LRRC63: variants seen among roughly 807,000 people sequenced by gnomAD.
The protein encoded by LRRC63 is leucine rich repeat containing 63.
Under a neutral mutation model 49.5 loss-of-function variants are expected in LRRC63, and 40 were observed. The observed-to-expected ratio is 0.81, with a 90% confidence interval of 0.63 to 1.05. The LOEUF (loss-of-function observed/expected upper bound fraction) is 1.05. Ranked by LOEUF, LRRC63 falls within the 50% of genes least tolerant of loss-of-function variation. LRRC63 has a pLI of 0.00. For synonymous variants in LRRC63, 191 were observed against 221.1 expected (o/e 0.86, Z 1.21); for missense variants, 636 against 663.1 (o/e 0.96, Z 0.45).
chr13:46,270,050 A>G, intron 9 of LRRC63: 1 of 541,458 alleles, frequency 1.8e-6, no homozygotes, highest in South Asian at 2.1e-5. Context: ...AGTTTAATTT[A>G]TAGGGGTGGT....
At chr13:46,245,091 T>C (rs1310420090) in intron 5 of LRRC63, among the ~76,000 whole-genome samples, 4 of 152,140 alleles carry the variant, frequency 2.6e-5, no homozygotes, top group Non-Finnish European at 4.4e-5. Flanking sequence ...AGAAAAAGAA[T>C]ATTACCAAGT....
chr13:46,243,240 A>T (rs553941372), intron 5 of LRRC63, among the ~76,000 whole-genome samples: 1 of 152,310 alleles, frequency 6.6e-6, no homozygotes, highest in African/African-American at 2.4e-5. Flanking sequence ...TCAAGTTGTC[A>T]TCAGTTTAAA....
chr13:46,215,945 C>T (rs1450698819), intron 2 of LRRC63, among the ~76,000 whole-genome samples: 1 of 152,152 alleles, frequency 6.6e-6, no homozygotes, highest in Non-Finnish European at 1.5e-5. Flanking sequence ...GGCATTATTT[C>T]TGAGGTCTCT....
At chr13:46,228,716 C>T in exon 4 of LRRC63, 1 of 1,540,680 alleles carries the variant, frequency 6.5e-7, no homozygotes, top group South Asian at 1.2e-5. Context: ...AAGCAAATCC[C>T]ACCAAGACCA....
chr13:46,252,709 C>G (rs1403216881), intron 7 of LRRC63, among the ~76,000 whole-genome samples: 4 of 151,908 alleles, frequency 2.6e-5, no homozygotes, highest in Admixed American at 6.6e-5. Flanking sequence ...GGAGAGACAA[C>G]AAAGGATAGT....
At chr13:46,237,079 A>C (rs140969591) in intron 5 of LRRC63, among the ~76,000 whole-genome samples, 1 of 152,198 alleles carries the variant, frequency 6.6e-6, no homozygotes, top group African/African-American at 2.4e-5. Context: ...GGAGGGAATT[A>C]ATGTGGCACA....
intron 9 of LRRC63, among the ~76,000 whole-genome samples, chr13:46,274,851 T>C (rs1056918772): frequency 3.9e-5 from 6 of 152,248 alleles, no homozygotes; most frequent in Non-Finnish European, 5.9e-5. Context: ...CTTTGTGTTG[T>C]GAACATTTAA....
chr13:46,231,377 G>T (rs2046750504), intron 4 of LRRC63, among the ~76,000 whole-genome samples: 1 of 152,196 alleles, frequency 6.6e-6, no homozygotes, highest in Non-Finnish European at 1.5e-5. Flanking sequence ...GCGTAGTTAT[G>T]GCATTCCCTT....
intron 6 of LRRC63, 29 bp downstream of exon 6, chr13:46,246,654 A>T: frequency 9.9e-7 from 1 of 1,014,888 alleles, no homozygotes; most frequent in Non-Finnish European, 1.3e-6. Flanking sequence ...TTATGTACTG[A>T]TATAACTTGT....
At position 46,238,620 on chromosome 13, in the gene LRRC63, C is replaced by T. The variant is rs371693300; in HGVS notation, c.990+4271C>T. On this transcript the variant is annotated intron_variant, in intron 5 of 9. Coordinates refer to ENST00000595396, the Ensembl canonical transcript of LRRC63. The stretch of plus-strand genomic sequence containing the variant: ...ACTGCCCTTTATAAAACCATCAGCC[C>T]TCATGTGACTTATTCACTTTCAGCA... Among the ~76,000 whole-genome samples, 19 of 152,124 alleles carry T rather than the reference C, an allele frequency of 1.2e-4. No homozygotes were observed. The East Asian group carries it at 1.7e-3, about 14-fold the overall frequency.
intron 7 of LRRC63, among the ~76,000 whole-genome samples, chr13:46,253,059 G>C (rs1019880593): frequency 1.3e-5 from 2 of 151,972 alleles, no homozygotes; most frequent in Admixed American, 6.6e-5. Context: ...CAGTTGGAAG[G>C]CCATTGCAGT....
chr13:46,237,972 T>C (rs79202012), intron 5 of LRRC63, among the ~76,000 whole-genome samples: 93 of 151,882 alleles, frequency 6.1e-4, no homozygotes, highest in Non-Finnish European at 1.2e-3. Context: ...CAAAGAAAAA[T>C]CCAGGACCAG....
At chr13:46,233,964 G>A (rs1225439646) in intron 4 of LRRC63, among the ~76,000 whole-genome samples, 1 of 152,074 alleles carries the variant, frequency 6.6e-6, no homozygotes, top group Non-Finnish European at 1.5e-5. Flanking sequence ...GTTTACTTTG[G>A]GGAAGATAAT....
At chr13:46,273,602 A>T (rs2047789650) in intron 9 of LRRC63, among the ~76,000 whole-genome samples, 1 of 41,082 alleles carries the variant, frequency 2.4e-5, no homozygotes, top group Admixed American at 3.0e-4. Flanking sequence ...AATCTGCCTT[A>T]AAAAAAAAAA....
exon 3 of LRRC63, chr13:46,227,554 A>G (rs2046611676): frequency 1.3e-6 from 2 of 1,544,188 alleles, no homozygotes; most frequent in Non-Finnish European, 1.7e-6. Context: ...GCATTCACTG[A>G]AGATGAAACC....
At chr13:46,223,930 G>T (rs558766905) in intron 2 of LRRC63, among the ~76,000 whole-genome samples, 1 of 152,266 alleles carries the variant, frequency 6.6e-6, no homozygotes, top group East Asian at 1.9e-4. Flanking sequence ...TTAGTCTGAT[G>T]GGGTTTCTTT....
At chr13:46,238,646 T>C (rs2046971032) in intron 5 of LRRC63, among the ~76,000 whole-genome samples, 1 of 152,168 alleles carries the variant, frequency 6.6e-6, no homozygotes, top group South Asian at 2.1e-4. Flanking sequence ...ACTTTCAGCA[T>C]GAGAAAAACT....
chr13:46,236,223 GAA>G (rs567245084), intron 5 of LRRC63, among the ~76,000 whole-genome samples: 6 of 151,964 alleles, frequency 3.9e-5, no homozygotes, highest in Non-Finnish European at 7.4e-5. Context: ...CTGGAGAAAA[GAA>G]GAGAGAGAGA....
At chr13:46,240,074 C>A (rs1203726591) in intron 5 of LRRC63, among the ~76,000 whole-genome samples, 1 of 151,890 alleles carries the variant, frequency 6.6e-6, no homozygotes, top group Non-Finnish European at 1.5e-5. Context: ...TGGAAGCATT[C>A]CCCTTAAAAA....
Sources: gnomAD v4.1 joint callset for allele counts (sites outside exome capture counted in the v4.1 genomes callset) on GRCh38, gnomAD v4.1.1 for gene constraint, MANE v1.5 for transcripts, NCBI Gene and HGNC (gene_info 2026-07-23, HGNC 2026-07-21) for gene names.